Variants in NCALD observed in about 807,000 individuals in gnomAD.
The protein encoded by NCALD is neurocalcin delta.
NCALD carries 10 observed loss-of-function variants against 18.6 expected under a neutral mutation model. That is an observed-to-expected ratio of 0.54 (90% CI 0.33 to 0.91). The LOEUF is 0.91. Among genes scored for constraint, NCALD ranks in the 40% least tolerant of loss-of-function variants. NCALD has a pLI of 0.03. For synonymous variants in NCALD, 88 were observed against 87.4 expected, an observed-to-expected ratio of 1.01 and a Z score of -0.04; for missense variants, 184 against 247.6, an observed-to-expected ratio of 0.74 and a Z score of 1.72.
intron 4 of NCALD, among the ~76,000 whole-genome samples, chr8:101,884,449 C>G (rs1816603028): frequency 6.6e-6 from 1 of 152,172 alleles, no homozygotes; most frequent in Non-Finnish European, 1.5e-5. Context: ...ATTTATTGAA[C>G]AAATAAATGA....
chr8:101,692,559 G>A (rs1740766731), intron 3 of NCALD: 10 of 985,420 alleles, frequency 1.0e-5, no homozygotes, highest in Non-Finnish European at 1.2e-5. Flanking sequence ...TTTTCTTGGA[G>A]GTAGAAGTTG....
chr8:101,766,858 C>A (rs946629623), intron 1 of NCALD, among the ~76,000 whole-genome samples: 1 of 152,162 alleles, frequency 6.6e-6, no homozygotes, highest in African/African-American at 2.4e-5. Flanking sequence ...GGATTACAAG[C>A]GTAAGTCACT....
chr8:101,865,415 C>T (rs1815728170), intron 4 of NCALD, among the ~76,000 whole-genome samples: 1 of 152,176 alleles, frequency 6.6e-6, no homozygotes. Flanking sequence ...GGAGTGTTTT[C>T]TCTAATCAGT....
chr8:101,844,042 A>T (rs1032029781), intron 4 of NCALD, among the ~76,000 whole-genome samples: 5 of 152,210 alleles, frequency 3.3e-5, no homozygotes, highest in Admixed American at 6.5e-5. Context: ...CGCTAGGCCC[A>T]GCACAGTTCT....
chr8:102,068,151 C>T (rs1327794625), intron 1 of NCALD, among the ~76,000 whole-genome samples: 1 of 152,174 alleles, frequency 6.6e-6, no homozygotes, highest in East Asian at 1.9e-4. Flanking sequence ...TGCAGGAGTA[C>T]ACCACAGTAG....
chr8:101,785,003 C>T (rs1317643857), intron 1 of NCALD, among the ~76,000 whole-genome samples: 4 of 152,058 alleles, frequency 2.6e-5, no homozygotes, highest in Admixed American at 6.6e-5. Flanking sequence ...GTATTTGAGG[C>T]TCTGCTGTAT....
At chr8:101,719,751 A>G (rs1816264846) in intron 1 of NCALD, 103 bp from the exon 2 acceptor site, 8 of 1,089,178 alleles carry the variant, frequency 7.3e-6, no homozygotes, top group Non-Finnish European at 1.0e-5. Context: ...AAACAAACAA[A>G]TAAACTCTAT....
At chr8:101,716,553 G>A (rs4734589) in intron 2 of NCALD, among the ~76,000 whole-genome samples, 136,016 of 152,240 alleles carry the variant, frequency 0.89, 61,207 homozygotes, top group South Asian at 0.97. Flanking sequence ...ATCTGCATAT[G>A]GTTTTGCTTA....
intron 2 of NCALD, among the ~76,000 whole-genome samples, chr8:101,704,063 G>A (rs1293062289): frequency 1.3e-5 from 2 of 152,122 alleles, no homozygotes; most frequent in Non-Finnish European, 2.9e-5. Flanking sequence ...CTCAGTAGTG[G>A]GAATAATCAG....
rs145719156 is a variant in NCALD at position 102,121,855 on chromosome 8, A to G, written c.-210+2382T>C. On this transcript the variant is annotated intron_variant, in intron 1 of 6. Transcript: ENST00000311028. ...TATTTCCCAAGGTTTTTTATCGTAG[A>G]GTGTTAGATATAAAGCTTGGTTTGG... Among the ~76,000 whole-genome samples the G allele has an allele frequency of 7.7e-4, 118 of 152,268 alleles. 3 individuals are homozygous for G. The East Asian group carries it at 0.02, about 26-fold the overall frequency.
At chr8:101,812,894 T>C (rs534350668) in intron 4 of NCALD, among the ~76,000 whole-genome samples, 40 of 152,258 alleles carry the variant, frequency 2.6e-4, no homozygotes, top group African/African-American at 8.7e-4. Flanking sequence ...TGAAAGCAAA[T>C]GAGCACATAC....
intron 2 of NCALD, among the ~76,000 whole-genome samples, chr8:101,976,373 C>T (rs1031529226): frequency 7.9e-5 from 12 of 152,112 alleles, no homozygotes; most frequent in African/African-American, 2.4e-4. Context: ...GGGGACCCCC[C>T]GACTAATAAC....
At chr8:101,785,689 T>G (rs1812196940) in intron 1 of NCALD, among the ~76,000 whole-genome samples, 1 of 152,176 alleles carries the variant, frequency 6.6e-6, no homozygotes, top group Non-Finnish European at 1.5e-5. Context: ...ATCACTAATT[T>G]AAAGACTCCT....
intron 2 of NCALD, among the ~76,000 whole-genome samples, chr8:101,704,777 G>A (rs1037012702): frequency 4.0e-5 from 6 of 151,856 alleles, no homozygotes; most frequent in East Asian, 1.9e-4. Flanking sequence ...AAAATTAGCC[G>A]GGCATGGTAT....
chr8:101,924,521 A>G lies in NCALD; in HGVS notation c.-156-8663T>C, dbSNP rs1818272959. ...AAAGGCTTAGTATATATTCATCTGGAAAAAATCTACCATGTTCCAAATCAT... is the reference window on the plus strand; with the variant it reads ...AAAGGCTTAGTATATATTCATCTGGGAAAAATCTACCATGTTCCAAATCAT... On this transcript the variant is annotated intron_variant, in intron 2 of 6. Coordinates refer to the NCALD transcript ENST00000311028. 2.6e-5 allele frequency among the ~76,000 whole-genome samples: 4 copies of G among 152,336 alleles called. No individual in the cohort carries two copies. The South Asian group carries it at 8.3e-4, about 32-fold the overall frequency.
chr8:101,697,169 C>G (rs960147775), intron 2 of NCALD, among the ~76,000 whole-genome samples: 3 of 152,036 alleles, frequency 2.0e-5, no homozygotes, highest in African/African-American at 2.4e-5. Context: ...ATAAACATCT[C>G]TATGCAAATA....
At chr8:101,807,720 C>T (rs1355609395) in intron 4 of NCALD, among the ~76,000 whole-genome samples, 1 of 152,172 alleles carries the variant, frequency 6.6e-6, no homozygotes, top group African/African-American at 2.4e-5. Context: ...TAAAGGGTTA[C>T]AGCAAAGTTA....
At chr8:101,895,456 G>T (rs1817123788) in intron 3 of NCALD, among the ~76,000 whole-genome samples, 1 of 151,418 alleles carries the variant, frequency 6.6e-6, no homozygotes, top group Non-Finnish European at 1.5e-5. Flanking sequence ...ACTGGCACAA[G>T]ACAGGGATGC....
At chr8:102,043,618 A>G (rs1359528803) in intron 1 of NCALD, among the ~76,000 whole-genome samples, 2 of 150,982 alleles carry the variant, frequency 1.3e-5, no homozygotes, top group Non-Finnish European at 2.9e-5. Context: ...GTTAGTTAGG[A>G]GCTGTTCATC....
Sources: gnomAD v4.1 joint callset for allele counts (sites outside exome capture counted in the v4.1 genomes callset) on GRCh38, gnomAD v4.1.1 for gene constraint, MANE v1.5 for transcripts, NCBI Gene and HGNC (gene_info 2026-07-23, HGNC 2026-07-21) for gene names.